Variants in AURKC observed in about 807,000 individuals in gnomAD.
The protein encoded by AURKC is ARK-3.
Under a neutral mutation model 29.2 loss-of-function variants are expected in AURKC, and 15 were observed. The observed-to-expected ratio is 0.51, with a 90% confidence interval of 0.34 to 0.79. The LOEUF (loss-of-function observed/expected upper bound fraction) is 0.79. Ranked by LOEUF, AURKC falls within the 30% of genes least tolerant of loss-of-function variation. AURKC has a pLI of 0.01. For missense variants in AURKC, 332 were observed against 383.2 expected (o/e 0.87, Z 1.12); for synonymous variants, 150 against 149.9 (o/e 1.00, Z -0.01).
chr19:57,234,144 C>G (rs753801471), intron 5 of AURKC, among the ~76,000 whole-genome samples: 1 of 136,012 alleles, frequency 7.4e-6, no homozygotes, highest in Admixed American at 7.1e-5. Context: ...TGCAACCTCC[C>G]CCTCCCAGGT....
Position 57,231,239 on chromosome 19 carries a change from T to G in AURKC, c.-10T>G. On this transcript the variant is annotated 5_prime_UTR_variant, in exon 1 of 7. Coordinates refer to ENST00000302804, the MANE Select transcript of AURKC (RefSeq NM_001015878.2). ...TCAGGAAGGCGTCCGCGCCCTCACC[T>G]CTTCTCCCCATGAGCTCCCCCAGAG... The G allele has an allele frequency of 6.4e-7, 1 of 1,551,540 alleles. No homozygotes were observed. The highest frequency in any genetic ancestry group is 2.0e-5 in the Admixed American group (1 of 51,016).
At chr19:57,231,345 G>A (rs1397815748) in intron 1 of AURKC, 39 bp downstream of exon 1, 1 of 1,550,116 alleles carries the variant, frequency 6.5e-7, no homozygotes, top group Admixed American at 2.0e-5. Flanking sequence ...AGGGAAGGCT[G>A]GGGACTGGGC....
Position 57,232,156 on chromosome 19 carries a change from G to C in AURKC, c.228G>C (p.Lys76Asn), listed in dbSNP as rs748122744. The C allele has an allele frequency of 8.7e-6, 14 of 1,614,008 alleles. No homozygotes were observed. The highest frequency in any genetic ancestry group is 1.2e-5 in the Non-Finnish European group (14 of 1,180,044). ...HFIVALKVLF[K>N]SQIEKEGLEH... ...TTGTGGCCCTGAAGGTTCTCTTCAA[G>C]TCGCAGATAGAGAAGGAAGGACTGG... Residue 76 changes from lysine to asparagine, a missense_variant, in exon 3 of 7, where the codon AAG (lysine) becomes AAC (asparagine). Lys to Asn is a moderately conservative substitution (Grantham distance 94). Coordinates refer to ENST00000302804, the MANE Select transcript of AURKC (RefSeq NM_001015878.2). The surrounding 1 kb of genome is among the most constrained non-coding windows in gnomAD (Gnocchi z 4.5).
rs1366855265 is a variant in AURKC, at chr19:57,231,253, G to T, written c.5G>T (p.Ser2Ile). 10 of 1,551,856 alleles carry T rather than the reference G, an allele frequency of 6.4e-6. No individual in the cohort carries two copies. The highest frequency in any genetic ancestry group is 8.7e-6 in the Non-Finnish European group (10 of 1,147,142). Reference protein sequence around the residue: MSSPRAVVQLGK... With the variant: MISPRAVVQLGK... The stretch of plus-strand genomic sequence containing the variant: ...GCGCCCTCACCTCTTCTCCCCATGA[G>T]CTCCCCCAGAGCTGTGGTGCAGCTG... The change falls in exon 1 of 7, where the codon AGC (serine) becomes ATC (isoleucine). Residue 2 changes from serine (S) to isoleucine (I), a missense_variant. Physicochemically the swap from Ser to Ile is moderately radical, Grantham distance 142. Transcript: ENST00000302804.
At chr19:57,231,958 A>G (rs1253610183) in intron 2 of AURKC, 75 bp from the exon 3 acceptor site, 1 of 1,601,136 alleles carries the variant, frequency 6.2e-7, no homozygotes, top group African/African-American at 1.3e-5. Context: ...GAGGAAGGGG[A>G]GCATTGGCAT....
intron 1 of AURKC, 166 bp from the exon 2 acceptor site, chr19:57,231,576 C>G: frequency 1.2e-6 from 1 of 804,904 alleles, no homozygotes; most frequent in Non-Finnish European, 2.0e-6. Context: ...TTACCTCTCC[C>G]TCCCCCTCTC....
chr19:57,231,075 A>G lies in AURKC; in HGVS notation c.-174A>G, dbSNP rs1177620266. On this transcript the variant is annotated 5_prime_UTR_variant, in exon 1 of 7. Transcript: ENST00000302804. ...GGCCGCGCAGCCACGGCTGCTCACG[A>G]CGCCGCGGATCCCGAAGCCTGTGTA... 25 of 1,463,744 alleles carry G rather than the reference A, an allele frequency of 1.7e-5. No individual in the cohort carries two copies. Among genetic ancestry groups the G allele is most frequent in the Non-Finnish European group, 2.0e-5 (21 of 1,066,142 alleles). 90.7% of individuals were successfully genotyped at this position (1,463,744 alleles called of 1,614,324 possible).
Position 57,232,565 on chromosome 19 carries a change from A to G in AURKC, c.320A>G (p.Tyr107Cys). The G allele has an allele frequency of 3.7e-6, 6 of 1,614,198 alleles. No homozygotes were observed. Among genetic ancestry groups the G allele is most frequent in the Non-Finnish European group, 5.1e-6 (6 of 1,180,046 alleles). ...AGACACCCCAATATCCTGCGCCTGT[A>G]TAACTATTTCCATGATGCACGCCGG... ...HLQHPNILRLYNYFHDARRVY... is the reference protein window; with the variant it reads ...HLQHPNILRLCNYFHDARRVY... Residue 107 changes from tyrosine (Y) to cysteine (C), a missense_variant, in exon 4 of 7, where the codon TAT (tyrosine) becomes TGT (cysteine). Transcript: ENST00000302804. This position sits in a 1 kb window ranked among gnomAD's most constrained non-coding sequence, Gnocchi z 4.5.
chr19:57,234,818 G>A (rs1379247961), intron 5 of AURKC, 66 bp from the exon 6 acceptor site: 40 of 1,597,122 alleles, frequency 2.5e-5, no homozygotes, highest in Non-Finnish European at 3.3e-5. Context: ...TGAAAGCTGG[G>A]GAAGGAGAAT....
At position 57,231,044 on chromosome 19, in the gene AURKC, AAAG is replaced by A; in HGVS notation, c.-201_-199del. On this transcript the variant is annotated 5_prime_UTR_variant, in exon 1 of 7. Coordinates refer to ENST00000302804, the MANE Select transcript of AURKC (RefSeq NM_001015878.2). ...CTCTGAGCGGTTGGTGCCGGGTATA[AAAG>A]AAGGCCGCGCAGCCACGGCTGCTCA... The A allele has an allele frequency of 7.8e-7, 1 of 1,275,064 alleles. No individual in the cohort carries two copies. Among genetic ancestry groups the A allele is most frequent in the Non-Finnish European group, 1.1e-6 (1 of 893,864 alleles). The allele number at this position is 1,275,064 out of a possible 1,614,324, so 79.0% of individuals were successfully genotyped here.
chr19:57,231,861 T>G, intron 2 of AURKC, 74 bp downstream of exon 2: 1 of 1,613,018 alleles, frequency 6.2e-7, no homozygotes, highest in East Asian at 2.2e-5. Context: ...ACTGGGTGTG[T>G]GGGGTGCTGG....
At position 57,231,137 on chromosome 19, in the gene AURKC, A is replaced by C. The variant is rs1283797934; in HGVS notation, c.-112A>C. The stretch of plus-strand genomic sequence containing the variant: ...TCAGTGAGGCTGCAGGACGAGCAGG[A>C]TTGGAAGCGCCCCGGCCAGAAAGTG... On this transcript the variant is annotated 5_prime_UTR_variant, in exon 1 of 7. Coordinates refer to ENST00000302804, the MANE Select transcript of AURKC (RefSeq NM_001015878.2). The C allele has an allele frequency of 4.7e-5, 3 of 63,776 alleles. No homozygotes were observed. The highest frequency in any genetic ancestry group is 1.1e-3 in the Admixed American group (2 of 1,860). 4.0% of individuals were successfully genotyped at this position (63,776 alleles called of 1,614,324 possible).
At position 57,232,097 on chromosome 19, in the gene AURKC, G is replaced by C; in HGVS notation, c.169G>C (p.Val57Leu). Residue 57 changes from valine to leucine, a missense_variant, in exon 3 of 7, where the codon GTG (valine) becomes CTG (leucine). Val to Leu is a conservative substitution (Grantham distance 32). Coordinates refer to ENST00000302804, the MANE Select transcript of AURKC (RefSeq NM_001015878.2). The surrounding 1 kb of genome is among the most constrained non-coding windows in gnomAD (Gnocchi z 4.5). ...RPLGKGKFGN[V>L]YLARLKESHF... is the part of the protein sequence containing the mutation. The stretch of plus-strand genomic sequence containing the variant: ...CCTGGGCAAGGGGAAATTTGGGAAT[G>C]TGTACCTGGCTCGGCTCAAGGAAAG... 6.2e-7 allele frequency: 1 copy of C among 1,614,114 alleles called. No homozygotes were observed. The highest frequency in any genetic ancestry group is 8.5e-7 in the Non-Finnish European group (1 of 1,180,024).
At position 57,233,618 on chromosome 19, in the gene AURKC, G is replaced by GT. The variant is rs765630713; in HGVS notation, c.584+11dup. ...ACACCCCCTCCCTGAGGTAGGTCAGGTGGTGGTGGTAGGGTGAGTTCTGAG... is the reference window on the plus strand; with the variant it reads ...ACACCCCCTCCCTGAGGTAGGTCAGGTTGGTGGTGGTAGGGTGAGTTCTGAG... On this transcript the variant is annotated intron_variant, in intron 5 of 6. Transcript: ENST00000302804. 11 of 1,613,404 alleles carry GT rather than the reference G, an allele frequency of 6.8e-6. No individual in the cohort carries two copies. In the Middle Eastern group the frequency reaches 1.5e-3, roughly 213 times the overall value.
At chr19:57,233,380 C>T (rs964778860) in intron 4 of AURKC, 80 bp from the exon 5 acceptor site, 4 of 1,596,034 alleles carry the variant, frequency 2.5e-6, no homozygotes, top group African/African-American at 2.7e-5. Context: ...TGTAATCATA[C>T]AATTCATGGT....
In AURKC at chr19:57,233,599, C is replaced by A. The variant is rs778336053; in HGVS notation, c.575C>A (p.Pro192His). The A allele has an allele frequency of 6.2e-7, 1 of 1,613,630 alleles. No homozygotes were observed. The highest frequency in any genetic ancestry group is 8.5e-7 in the Non-Finnish European group (1 of 1,180,010). The change falls in exon 5 of 7, where the codon CCC becomes CAC. Residue 192 changes from proline (P) to histidine (H), a missense_variant. Physicochemically the swap from Pro to His is moderately conservative, Grantham distance 77. Transcript: ENST00000302804. ...GATTTTGGCTGGTCTGTGCACACCCCCTCCCTGAGGTAGGTCAGGTGGTGG... is the reference window on the plus strand; with the variant it reads ...GATTTTGGCTGGTCTGTGCACACCCACTCCCTGAGGTAGGTCAGGTGGTGG... ...IADFGWSVHT[P>H]SLRRKTMCGT...
In AURKC at chr19:57,234,998, G is replaced by A; in HGVS notation, c.699G>A (p.Leu233=). The A allele has an allele frequency of 1.2e-6, 2 of 1,614,176 alleles. No individual in the cohort carries two copies. Among genetic ancestry groups the A allele is most frequent in the Non-Finnish European group, 1.7e-6 (2 of 1,180,044 alleles). Residue 233 remains leucine (L), a synonymous_variant, in exon 6 of 7, where the codon CTG becomes CTA. Transcript: ENST00000302804. ...WCIGVLCYEL[L]VGYPPFESAS... ...TTGGAGTGCTCTGCTATGAGCTGCT[G>A]GTGGGATATCCACCCTTTGAGAGCG...
At chr19:57,234,053 C>CTTT (rs10586926) in intron 5 of AURKC, among the ~76,000 whole-genome samples, 60 of 112,542 alleles carry the variant, frequency 5.3e-4, no homozygotes, top group Admixed American at 8.3e-4. Flanking sequence ...TTTTTCTTTT[C>CTTT]TTTTTTTTTT....
rs532491723 is a variant in AURKC, at chr19:57,233,048, G to A, written c.435+368G>A. Among the ~76,000 whole-genome samples, 65 of 151,928 alleles carry A rather than the reference G, an allele frequency of 4.3e-4. 1 individual carries two copies. Among genetic ancestry groups the A allele is most frequent in the African/African-American group, 8.2e-4 (34 of 41,316 alleles). ...TACAAAGAGATTTCTAGAGGGTTCC[G>A]GAAAGGGAACCATGGCAATGATTTT... On this transcript the variant is annotated intron_variant, in intron 4 of 6. Coordinates refer to ENST00000302804, the MANE Select transcript of AURKC (RefSeq NM_001015878.2).
Sources: gnomAD v4.1 joint callset for allele counts (sites outside exome capture counted in the v4.1 genomes callset) on GRCh38, gnomAD v4.1.1 for gene constraint, Gnocchi (gnomAD v3.1) non-coding constraint, MANE v1.5 for transcripts, NCBI Gene and HGNC (gene_info 2026-07-23, HGNC 2026-07-21) for gene names.